The following EXOC2 variants were observed in gnomAD, a reference collection of about 807,000 sequenced individuals.
EXOC2 encodes the protein exocyst complex component 2, also known as SEC5-like 1.
In EXOC2, 70 loss-of-function variants were observed where a neutral mutation model predicts 131.8. The observed-to-expected ratio is 0.53, with a 90% CI of 0.44 to 0.65. EXOC2 has a LOEUF of 0.65. Ranked by LOEUF, EXOC2 falls within the 30% of genes least tolerant of loss-of-function variation. EXOC2 has a pLI of 0.00. For synonymous variants in EXOC2, 411 were observed against 398.4 expected, an observed-to-expected ratio of 1.03 and a Z score of -0.38; for missense variants, 923 against 1,108.6, an observed-to-expected ratio of 0.83 and a Z score of 2.38.
Position 486,752 on chromosome 6 carries a change from C to G in EXOC2, c.2694G>C (p.Glu898Asp), listed in dbSNP as rs537001542. ...TGCTACTCTTGAACTTGTTCAGGAG[C>G]TCTTCCAGTAACCTGCAGGACGGAG... ...SSGADKKLLE[E>D]LLNKFKSSMH... The change falls in exon 28 of 28, where the codon GAG (glutamate) becomes GAC (aspartate). Residue 898 changes from glutamate to aspartate, a missense_variant. Transcript: ENST00000230449. 3 of 1,613,920 alleles carry G rather than the reference C, an allele frequency of 1.9e-6. No individual in the cohort carries two copies. In the African/African-American group the frequency reaches 4.0e-5, roughly 22 times the overall value.
chr6:562,202 G>C (rs900938988), intron 17 of EXOC2, among the ~76,000 whole-genome samples: 1 of 152,220 alleles, frequency 6.6e-6, no homozygotes, highest in Non-Finnish European at 1.5e-5. Flanking sequence ...AAAGCCACTG[G>C]GATGTGTCGG....
In EXOC2 at chr6:506,915, A is replaced by G. The variant is rs1764564566; in HGVS notation, c.2381-7215T>C. On this transcript the variant is annotated intron_variant, in intron 23 of 27. Transcript: ENST00000230449. This position sits in a 1 kb window ranked among gnomAD's most constrained non-coding sequence, Gnocchi z 4.4. Reference sequence around the variant, plus strand: ...ATATAGGAAGGTCACTTGATTTTGGAACAGGCAAACTGGCACACTATTAAA... The same window carrying G: ...ATATAGGAAGGTCACTTGATTTTGGGACAGGCAAACTGGCACACTATTAAA... 6.6e-6 allele frequency among the ~76,000 whole-genome samples: 1 copy of G among 152,094 alleles called. No individual in the cohort carries two copies. The highest frequency in any genetic ancestry group is 1.5e-5 in the Non-Finnish European group (1 of 68,018).
rs1258388207 is a variant in EXOC2 at position 659,929 on chromosome 6, T to C, written c.-43-22068A>G. ...AGGCGGGGACAGAACCCAGCCTTTT[T>C]AGTTCGCAGCTGGGAGGCAGGTAGC... On this transcript the variant is annotated intron_variant, in intron 1 of 27. Coordinates refer to ENST00000230449, the MANE Select transcript of EXOC2 (RefSeq NM_018303.6). Among the ~76,000 whole-genome samples the C allele has an allele frequency of 1.3e-4, 20 of 149,664 alleles. No individual in the cohort carries two copies. The Admixed American group carries it at 1.3e-3, about 10-fold the overall frequency.
chr6:636,898 C>A (rs1388429929), intron 2 of EXOC2, among the ~76,000 whole-genome samples: 1 of 152,158 alleles, frequency 6.6e-6, no homozygotes, highest in Non-Finnish European at 1.5e-5. Context: ...AATGTTTAGG[C>A]TCCATCTTTA....
chr6:664,942 C>T (rs1282912049), intron 1 of EXOC2, among the ~76,000 whole-genome samples: 1 of 152,006 alleles, frequency 6.6e-6, no homozygotes, highest in African/African-American at 2.4e-5. Context: ...ATAGCTGGGA[C>T]CTAACTAAAC....
chr6:678,039 A>C (rs993185341), intron 1 of EXOC2, among the ~76,000 whole-genome samples: 6 of 152,128 alleles, frequency 3.9e-5, no homozygotes, highest in African/African-American at 1.4e-4. Flanking sequence ...TCCCTCCCTG[A>C]CCAGTTCTTC....
chr6:491,076 CA>C (rs781530071), intron 26 of EXOC2, 48 bp downstream of exon 26: 46 of 1,581,404 alleles, frequency 2.9e-5, no homozygotes, highest in South Asian at 5.5e-5. Context: ...ACTAGTAAGA[CA>C]ACCTTTATTT....
intron 27 of EXOC2, among the ~76,000 whole-genome samples, chr6:487,514 C>A (rs529047156): frequency 5.3e-5 from 8 of 152,154 alleles, no homozygotes; most frequent in East Asian, 1.9e-4. Context: ...TCAAGCAATT[C>A]TCCTGCCTCA....
In EXOC2 at chr6:555,277, G is replaced by A; in HGVS notation, c.2004C>T (p.Tyr668=). 6.6e-7 allele frequency: 1 copy of A among 1,524,152 alleles called. No individual in the cohort carries two copies. The highest frequency in any genetic ancestry group is 8.9e-7 in the Non-Finnish European group (1 of 1,122,342). 94.4% of individuals were successfully genotyped at this position (1,524,152 alleles called of 1,614,324 possible). A position where few individuals can be genotyped will look rare whatever the true frequency, so the allele number is the denominator to read the frequency against. Residue 668 remains tyrosine (Y), a synonymous_variant, in exon 20 of 28, where the codon TAC becomes TAT. Coordinates refer to ENST00000230449, the MANE Select transcript of EXOC2 (RefSeq NM_018303.6). ...LSINIMQVFI[Y]CLEQLSTKPD... is the part of the protein sequence containing the mutation. ...GCTTGGTGCTCAACTGTTCCAGACA[G>A]TATATAAAAACCTAAGTGAAAACAT...
chr6:548,666 C>T (rs764836635), intron 22 of EXOC2, among the ~76,000 whole-genome samples: 1 of 152,174 alleles, frequency 6.6e-6, no homozygotes, highest in African/African-American at 2.4e-5. Context: ...TCTGAGCCAG[C>T]GGCTGTGTGT....
chr6:640,887 G>GA lies in EXOC2; in HGVS notation c.-43-3027dup, dbSNP rs35336519. Among the ~76,000 whole-genome samples the GA allele has an allele frequency of 3.1e-3, 466 of 150,054 alleles. 3 individuals carry two copies. Among genetic ancestry groups the GA allele is most frequent in the Non-Finnish European group, 5.3e-3 (357 of 67,470 alleles). On this transcript the variant is annotated intron_variant, in intron 1 of 27. Transcript: ENST00000230449. ...TACCAAACTACTAACAGCAGGTACA[G>GA]AAAAAAAAAAACTTCGAAATCATTC... is the stretch of plus-strand genomic sequence containing the variant.
At chr6:501,138 CTATATATATTA>C (rs1185193360) in intron 23 of EXOC2, among the ~76,000 whole-genome samples, 1 of 8,916 alleles carries the variant, frequency 1.1e-4, no homozygotes, top group Non-Finnish European at 2.3e-4. Context: ...TTATATATAT[CTATATATATTA>C]TATATATCTA....
At chr6:599,361 G>T in intron 7 of EXOC2, 136 bp from the exon 8 acceptor site, 1 of 809,634 alleles carries the variant, frequency 1.2e-6, no homozygotes, top group Non-Finnish European at 1.8e-6. Flanking sequence ...TTCAGTTTAG[G>T]GGATCTTTTA....
intron 7 of EXOC2, among the ~76,000 whole-genome samples, chr6:600,150 TGTGG>T (rs1381116185): frequency 6.6e-6 from 1 of 152,234 alleles, no homozygotes; most frequent in Non-Finnish European, 1.5e-5. Flanking sequence ...TAGAGCACAC[TGTGG>T]GTGGCCTGAT....
intron 25 of EXOC2, among the ~76,000 whole-genome samples, chr6:492,540 G>T (rs1353345335): frequency 6.6e-6 from 1 of 152,068 alleles, no homozygotes; most frequent in Non-Finnish European, 1.5e-5. Context: ...AATAAAATGT[G>T]GCATATTTAA....
intron 23 of EXOC2, among the ~76,000 whole-genome samples, chr6:517,745 C>T (rs775688168): frequency 6.6e-6 from 1 of 152,148 alleles, no homozygotes; most frequent in South Asian, 2.1e-4. Flanking sequence ...AAGGTATCTC[C>T]TGATGGAAGT....
intron 1 of EXOC2, chr6:656,962 A>C (rs1746127644): frequency 6.6e-7 from 1 of 1,504,050 alleles, no homozygotes; most frequent in Non-Finnish European, 8.9e-7. Flanking sequence ...CAGGGAAGGC[A>C]GCTGGGGGCC....
At chr6:551,283 C>G (rs928522869) in intron 21 of EXOC2, among the ~76,000 whole-genome samples, 4 of 152,190 alleles carry the variant, frequency 2.6e-5, no homozygotes, top group African/African-American at 9.7e-5. Context: ...TCTTCTGACT[C>G]CGAATCTAGA....
intron 1 of EXOC2, among the ~76,000 whole-genome samples, chr6:668,912 T>C (rs1763735491): frequency 6.6e-6 from 1 of 152,232 alleles, no homozygotes; most frequent in Admixed American, 6.5e-5. Flanking sequence ...TTTCTGAATA[T>C]TTTCCATCTG....
Sources: allele counts gnomAD v4.1 joint callset (sites outside exome capture counted in the v4.1 genomes callset), GRCh38; gene constraint gnomAD v4.1.1; non-coding constraint Gnocchi (gnomAD v3.1); transcripts MANE v1.5; gene names NCBI Gene and HGNC (gene_info 2026-07-23, HGNC 2026-07-21).